CNIH3: variants seen among roughly 807,000 people sequenced by gnomAD.
CNIH3 encodes protein cornichon homolog 3.
In CNIH3, 14 loss-of-function variants were observed where a neutral mutation model predicts 24.1. The ratio of observed to expected loss-of-function variants is 0.58; its 90% CI spans 0.38 to 0.91. The LOEUF is 0.91. CNIH3 is among the 40% of genes least tolerant of loss of function. CNIH3 has a pLI of 0.00. For synonymous variants in CNIH3, 68 were observed against 73.8 expected, an observed-to-expected ratio of 0.92 and a Z score of 0.40; for missense variants, 178 against 196.8, an observed-to-expected ratio of 0.90 and a Z score of 0.57.
intron 3 of CNIH3, among the ~76,000 whole-genome samples, chr1:224,555,177 G>T (rs1269230384): frequency 1.3e-5 from 2 of 152,236 alleles, no homozygotes; most frequent in East Asian, 3.9e-4. Flanking sequence ...GGAAAATGAG[G>T]CTCAAAAAGA....
At chr1:224,680,329 T>C (rs1454589879) in intron 1 of CNIH3, among the ~76,000 whole-genome samples, 3 of 152,180 alleles carry the variant, frequency 2.0e-5, no homozygotes, top group Non-Finnish European at 4.4e-5. Context: ...CAGCATTCTT[T>C]CCTCCAGGGA....
At position 224,503,769 on chromosome 1, in the gene CNIH3, C is replaced by T. The variant is rs116639100; in HGVS notation, n.204-11972C>T. Among the ~76,000 whole-genome samples, 253 of 152,340 alleles carry T rather than the reference C, an allele frequency of 1.7e-3. 1 individual carries two copies. Among genetic ancestry groups the T allele is most frequent in the African/African-American group, 5.6e-3 (232 of 41,594 alleles). ...AAGGGAGATAGACAGGAAACCCGAC[C>T]CAGCCCTCTGGCAGGGATTGCCGTG... is the stretch of plus-strand genomic sequence containing the variant. On this transcript the variant is annotated intron_variant and non_coding_transcript_variant, in intron 1 of 5. Transcript: ENST00000471578.
At chr1:224,451,573 A>G (rs979810466) in intron 1 of CNIH3, among the ~76,000 whole-genome samples, 1 of 152,166 alleles carries the variant, frequency 6.6e-6, no homozygotes, top group Non-Finnish European at 1.5e-5. Flanking sequence ...GTTCCTGGTT[A>G]TTCTTGTGAG....
intron 2 of CNIH3, among the ~76,000 whole-genome samples, chr1:224,546,036 G>C (rs1382112702): frequency 6.6e-6 from 1 of 151,992 alleles, no homozygotes; most frequent in African/African-American, 2.4e-5. Context: ...AGTCATACTG[G>C]GTTAGAGCCC....
intron 1 of CNIH3, among the ~76,000 whole-genome samples, chr1:224,667,552 T>A (rs2125125421): frequency 6.6e-6 from 1 of 152,278 alleles, no homozygotes; most frequent in East Asian, 1.9e-4. Flanking sequence ...GGCTAACGCT[T>A]TATATTAAGA....
chr1:224,445,701 T>C (rs1675133345), intron 1 of CNIH3, among the ~76,000 whole-genome samples: 1 of 152,006 alleles, frequency 6.6e-6, no homozygotes, highest in Admixed American at 6.6e-5. Flanking sequence ...TTTCCCTCTG[T>C]GTGGTTTGCT....
intron 1 of CNIH3, among the ~76,000 whole-genome samples, chr1:224,624,626 A>G (rs1324384538): frequency 6.6e-6 from 1 of 152,120 alleles, no homozygotes; most frequent in African/African-American, 2.4e-5. Context: ...TTCTCAGAGC[A>G]TCGTGGTCCC....
intron 1 of CNIH3, among the ~76,000 whole-genome samples, chr1:224,466,250 C>T (rs1019712088): frequency 2.0e-5 from 3 of 152,180 alleles, no homozygotes; most frequent in African/African-American, 7.2e-5. Flanking sequence ...GTCACATCTA[C>T]CTTCTTTCTC....
At position 224,617,080 on chromosome 1, in the gene CNIH3, A is replaced by C. The variant is rs1325601879; in HGVS notation, c.-95A>C. On this transcript the variant is annotated 5_prime_UTR_variant, in exon 1 of 6. Coordinates refer to ENST00000272133, the MANE Select transcript of CNIH3 (RefSeq NM_152495.2). ...GGCACTAGCCTGGAGAGGAGCGTGC[A>C]GACGCGGCTCCTTGGAGGGAGTGCG... is the stretch of plus-strand genomic sequence containing the variant. 1.3e-6 allele frequency: 2 copies of C among 1,550,490 alleles called. No homozygotes were observed. The highest frequency in any genetic ancestry group is 2.3e-5 in the East Asian group (1 of 44,024).
At chr1:224,461,148 G>A (rs1328911613) in intron 1 of CNIH3, among the ~76,000 whole-genome samples, 2 of 151,436 alleles carry the variant, frequency 1.3e-5, no homozygotes, top group Non-Finnish European at 2.9e-5. Context: ...GACTACAGGC[G>A]CCCACCACCA....
In CNIH3 at chr1:224,473,266, A is replaced by G. The variant is rs575516889; in HGVS notation, n.203+38404A>G. Among the ~76,000 whole-genome samples the G allele has an allele frequency of 3.9e-5, 6 of 152,052 alleles. No homozygotes were observed. In the South Asian group the frequency reaches 1.2e-3, roughly 32 times the overall value. The stretch of plus-strand genomic sequence containing the variant: ...CTAAAAGGAAGACAGGAAGGAAGGA[A>G]ATAAGAGAAGACCATAAAACAACCA... On this transcript the variant is annotated intron_variant and non_coding_transcript_variant, in intron 1 of 5. Transcript: ENST00000471578.
intron 3 of CNIH3, among the ~76,000 whole-genome samples, chr1:224,607,531 G>A (rs1009694574): frequency 6.6e-6 from 1 of 151,994 alleles, no homozygotes; most frequent in Non-Finnish European, 1.5e-5. Context: ...CATTCCTCTG[G>A]TCCTCAGTTG....
intron 2 of CNIH3, 64 bp downstream of exon 2, chr1:224,681,090 G>A: frequency 7.4e-7 from 1 of 1,345,932 alleles, no homozygotes; most frequent in Non-Finnish European, 1.1e-6. Flanking sequence ...GCCTGGGAAG[G>A]AGGGTGAGAA....
At chr1:224,475,769 A>G (rs1320026041) in intron 1 of CNIH3, among the ~76,000 whole-genome samples, 1 of 152,252 alleles carries the variant, frequency 6.6e-6, no homozygotes, top group African/African-American at 2.4e-5. Context: ...TATTACCAGT[A>G]AACTAGACAA....
chr1:224,628,118 G>C (rs143382161), intron 1 of CNIH3, among the ~76,000 whole-genome samples: 1 of 152,106 alleles, frequency 6.6e-6, no homozygotes, highest in East Asian at 2.0e-4. Flanking sequence ...AGCCCACCCT[G>C]TCAAGTTATT....
chr1:224,574,112 T>G (rs1326193379), intron 4 of CNIH3, among the ~76,000 whole-genome samples: 2 of 152,268 alleles, frequency 1.3e-5, no homozygotes, highest in Non-Finnish European at 2.9e-5. Context: ...ATAGTATATT[T>G]ATACATAAAA....
At chr1:224,723,051 G>A (rs1036824980) in intron 3 of CNIH3, among the ~76,000 whole-genome samples, 1 of 152,212 alleles carries the variant, frequency 6.6e-6, no homozygotes, top group African/African-American at 2.4e-5. Context: ...GGGCCCCAAG[G>A]GAAATGACGG....
chr1:224,561,342 A>G (rs151203644), intron 3 of CNIH3, among the ~76,000 whole-genome samples: 5 of 152,240 alleles, frequency 3.3e-5, no homozygotes, highest in African/African-American at 9.6e-5. Context: ...AAGTTTTATC[A>G]TTTCAAACTT....
chr1:224,498,765 T>C (rs904762619), intron 1 of CNIH3, among the ~76,000 whole-genome samples: 7 of 152,200 alleles, frequency 4.6e-5, no homozygotes, highest in African/African-American at 1.7e-4. Context: ...CAGGGGAAGA[T>C]GCGGGGGGCA....
Sources: allele counts gnomAD v4.1 joint callset (sites outside exome capture counted in the v4.1 genomes callset), GRCh38; gene constraint gnomAD v4.1.1; transcripts MANE v1.5; gene names NCBI Gene and HGNC (gene_info 2026-07-23, HGNC 2026-07-21).